The following MYH14 variants were observed in gnomAD, a reference collection of about 807,000 sequenced individuals.
The protein encoded by MYH14 is myosin-14.
A neutral mutation model predicts 255.5 loss-of-function variants in MYH14; 123 were observed. The observed-to-expected ratio is 0.48, with a 90% CI of 0.42 to 0.56. The LOEUF is 0.56. Among genes scored for constraint, MYH14 ranks in the 20% least tolerant of loss-of-function variants. MYH14 has a pLI of 0.00. For missense variants in MYH14, 2,423 were observed against 2,802.3 expected, an observed-to-expected ratio of 0.86 and a Z score of 3.06; for synonymous variants, 1,095 against 1,161.2, an observed-to-expected ratio of 0.94 and a Z score of 1.16.
In MYH14 at chr19:50,289,649, G is replaced by C; in HGVS notation, c.4965+1G>C. ...GAGGCGGAGGCAGCTGGCCAAGCAG[G>C]TATTGTCACACAGAAGGCCACAGGG... is the stretch of plus-strand genomic sequence containing the variant. On this transcript the variant is annotated splice_donor_variant, in intron 35 of 42. Transcript: ENST00000642316. LOFTEE classifies it high-confidence loss of function. 6.2e-7 allele frequency: 1 copy of C among 1,604,160 alleles called. No individual in the cohort carries two copies. The highest frequency in any genetic ancestry group is 8.5e-7 in the Non-Finnish European group (1 of 1,176,378).
Position 50,236,635 on chromosome 19 carries a change from G to A in MYH14, c.1114+4565G>A, listed in dbSNP as rs192955715. On this transcript the variant is annotated intron_variant, in intron 10 of 42. Transcript: ENST00000642316. Reference sequence around the variant, plus strand: ...AGGCAGGAGAATCGCTTGAACCCGGGAGGCGGAGGTTGCAGTGAGCCAAGA... The same window carrying A: ...AGGCAGGAGAATCGCTTGAACCCGGAAGGCGGAGGTTGCAGTGAGCCAAGA... Among the ~76,000 whole-genome samples the A allele has an allele frequency of 8.4e-3, 1,273 of 152,020 alleles. 5 individuals carry two copies. The highest frequency in any genetic ancestry group is 0.014 in the Admixed American group (210 of 15,266).
chr19:50,210,292 T>C (rs2032100364), intron 1 of MYH14, 71 bp from the exon 2 acceptor site: 1 of 1,393,128 alleles, frequency 7.2e-7, no homozygotes, highest in Non-Finnish European at 9.6e-7. Flanking sequence ...CCTGGGGAAT[T>C]TGGGGTAGGG....
chr19:50,296,182 C>T (rs4802688), intron 39 of MYH14, among the ~76,000 whole-genome samples: 74,128 of 151,828 alleles, frequency 0.49, 20,098 homozygotes, highest in Non-Finnish European at 0.59. Context: ...ATCATATTCA[C>T]GTGAACTGGT....
chr19:50,224,186 CAG>C lies in MYH14; in HGVS notation c.717+10_717+11del, dbSNP rs1416457134. On this transcript the variant is annotated intron_variant, in intron 6 of 42. Transcript: ENST00000642316. Reference sequence around the variant, plus strand: ...TCAGCACCGTGTCTTATGTGAGTAGCAGGGGATCACCTCGAGTCTTGCTGCCC... The same window carrying C: ...TCAGCACCGTGTCTTATGTGAGTAGCGGGATCACCTCGAGTCTTGCTGCCC... 7 of 1,613,804 alleles carry C rather than the reference CAG, an allele frequency of 4.3e-6. No homozygotes were observed. Among genetic ancestry groups the C allele is most frequent in the Non-Finnish European group, 5.1e-6 (6 of 1,179,880 alleles).
intron 5 of MYH14, among the ~76,000 whole-genome samples, chr19:50,223,679 C>A (rs991188007): frequency 1.3e-5 from 2 of 152,154 alleles, no homozygotes; most frequent in African/African-American, 4.8e-5. Context: ...TATATGGTGC[C>A]CTCCACTGTT....
At chr19:50,289,783 G>T (rs1568543939) in intron 35 of MYH14, 135 bp downstream of exon 35, 1 of 770,326 alleles carries the variant, frequency 1.3e-6, no homozygotes, top group Non-Finnish European at 2.1e-6. Flanking sequence ...CGACCACTCA[G>T]TATCTCCCCA....
chr19:50,259,037 T>G lies in MYH14; in HGVS notation c.2233-107T>G, dbSNP rs1600960997. 56 of 1,422,416 alleles carry G rather than the reference T, an allele frequency of 3.9e-5. No homozygotes were observed. In the East Asian group the frequency reaches 1.4e-3, roughly 36 times the overall value. 88.1% of individuals were successfully genotyped at this position (1,422,416 alleles called of 1,614,324 possible). A position where few individuals can be genotyped will look rare whatever the true frequency, so the allele number is the denominator to read the frequency against. ...CCTAGAACCGTTCCTAGGCACCTAGTAGGTGCTCAGTAAATTACATGTGGA... is the reference window on the plus strand; with the variant it reads ...CCTAGAACCGTTCCTAGGCACCTAGGAGGTGCTCAGTAAATTACATGTGGA... On this transcript the variant is annotated intron_variant, in intron 18 of 42. Coordinates refer to ENST00000642316, the MANE Select transcript of MYH14 (RefSeq NM_001145809.2).
At chr19:50,265,519 A>G (rs998743313) in intron 22 of MYH14, among the ~76,000 whole-genome samples, 8 of 152,136 alleles carry the variant, frequency 5.3e-5, no homozygotes, top group Non-Finnish European at 1.2e-4. Context: ...TCTTGAAAAA[A>G]TAAATCAAAA....
At chr19:50,233,027 C>G (rs942913482) in intron 10 of MYH14, among the ~76,000 whole-genome samples, 2 of 152,184 alleles carry the variant, frequency 1.3e-5, no homozygotes, top group East Asian at 3.9e-4. Flanking sequence ...GGTGCTGAGA[C>G]CAGAAGGAGG....
Position 50,223,066 on chromosome 19 carries a change from C to T in MYH14, c.563-17C>T, listed in dbSNP as rs201570558. Reference sequence around the variant, plus strand: ...GACTCTCTCAGATGACATATTCCCCCACTCTGTCCCCTACAGATCGTGAGG... The same window carrying T: ...GACTCTCTCAGATGACATATTCCCCTACTCTGTCCCCTACAGATCGTGAGG... On this transcript the variant is annotated splice_polypyrimidine_tract_variant and intron_variant, in intron 3 of 42. Coordinates refer to ENST00000642316, the MANE Select transcript of MYH14 (RefSeq NM_001145809.2). The T allele has an allele frequency of 1.2e-6, 2 of 1,612,384 alleles. No individual in the cohort carries two copies. The highest frequency in any genetic ancestry group is 1.3e-5 in the African/African-American group (1 of 75,012).
chr19:50,292,223 G>A, intron 36 of MYH14, 38 bp from the exon 37 acceptor site: 2 of 1,558,008 alleles, frequency 1.3e-6, no homozygotes, highest in Non-Finnish European at 1.7e-6. Flanking sequence ...GTGCTGTGTG[G>A]CCAGGCTGAG....
Position 50,249,066 on chromosome 19 carries a change from C to A in MYH14, c.1409C>A (p.Ala470Asp). The change falls in exon 13 of 43, where the codon GCC becomes GAC. Residue 470 changes from alanine (A) to aspartate (D), a missense_variant. Ala to Asp is a moderately radical substitution (Grantham distance 126). This residue lies in a region of MYH14 where 672 missense variants were observed against 881.8 expected (regional missense o/e 0.76). Transcript: ENST00000642316. ...TGGCTGGTTCTGCGCCTCAACCGGG[C>A]CTTGGACCGCAGCCCCCGCCAAGGC... ...FRWLVLRLNR[A>D]LDRSPRQGAS... 6.2e-7 allele frequency: 1 copy of A among 1,610,132 alleles called. No homozygotes were observed. The highest frequency in any genetic ancestry group is 8.5e-7 in the Non-Finnish European group (1 of 1,178,504).
At chr19:50,309,400 G>A (rs1049672341) in intron 42 of MYH14, 21 of 615,380 alleles carry the variant, frequency 3.4e-5, no homozygotes, top group African/African-American at 1.1e-4. Context: ...CTTTCCCACC[G>A]TGCACCACCA....
At chr19:50,260,846 C>CAT (rs1286370053) in intron 20 of MYH14, 131 bp downstream of exon 20, 7 of 696,904 alleles carry the variant, frequency 1.0e-5, no homozygotes, top group South Asian at 1.6e-5. Flanking sequence ...CACGTGTGTG[C>CAT]GTGTGTGTGT....
chr19:50,309,406 C>T, intron 42 of MYH14: 3 of 615,874 alleles, frequency 4.9e-6, no homozygotes, highest in East Asian at 2.8e-5. Flanking sequence ...CACCGTGCAC[C>T]ACCACCTTTC....
At chr19:50,251,443 T>A (rs2034367462) in intron 15 of MYH14, among the ~76,000 whole-genome samples, 2 of 146,920 alleles carry the variant, frequency 1.4e-5, no homozygotes, top group South Asian at 4.3e-4. Flanking sequence ...AAGACATAAA[T>A]GAAGGTTCTA....
rs573124912 is a variant in MYH14 at position 50,301,076 on chromosome 19, G to A, written c.5470-585G>A. 3.3e-5 allele frequency among the ~76,000 whole-genome samples: 5 copies of A among 152,306 alleles called. No individual in the cohort carries two copies. The East Asian group carries it at 9.6e-4, about 29-fold the overall frequency. On this transcript the variant is annotated intron_variant, in intron 39 of 42. Transcript: ENST00000642316. ...TTCCATGTACCCAGCAGAAGGCCTCGCTCAGAGTACGAGCTGAATAAATAA... is the reference window on the plus strand; with the variant it reads ...TTCCATGTACCCAGCAGAAGGCCTCACTCAGAGTACGAGCTGAATAAATAA...
chr19:50,297,843 CCCA>C (rs1381357566), intron 39 of MYH14, among the ~76,000 whole-genome samples: 1 of 152,004 alleles, frequency 6.6e-6, no homozygotes, highest in African/African-American at 2.4e-5. Flanking sequence ...AGATTTGAGG[CCCA>C]CCCTAATCCA....
rs540622475 is a variant in MYH14, at chr19:50,280,933, A to G, written c.4290+550A>G. 5.6e-4 allele frequency among the ~76,000 whole-genome samples: 86 copies of G among 152,224 alleles called. No individual in the cohort carries two copies. The highest frequency in any genetic ancestry group is 4.8e-3 in the Admixed American group (74 of 15,282). ...ACTTAGCATTAGGCTCCCCTGTGGG[A>G]AGTTTCCTGACCCGTCTTCTCTTTC... On this transcript the variant is annotated intron_variant, in intron 32 of 42. Transcript: ENST00000642316. This position sits in a 1 kb window ranked among gnomAD's most constrained non-coding sequence, Gnocchi z 4.8.
Sources: gnomAD v4.1 joint callset for allele counts (sites outside exome capture counted in the v4.1 genomes callset) on GRCh38, gnomAD v4.1.1 for gene constraint, gnomAD v4.1.1 regional missense constraint, Gnocchi (gnomAD v3.1) non-coding constraint, MANE v1.5 for transcripts, NCBI Gene and HGNC (gene_info 2026-07-23, HGNC 2026-07-21) for gene names.